SLIT3: variants seen among roughly 807,000 people sequenced by gnomAD.
SLIT3 encodes the protein slit guidance ligand 3, also known as slit homolog 3 protein.
A neutral mutation model predicts 184.0 loss-of-function variants in SLIT3; 68 were observed. The observed-to-expected ratio is 0.37, with a 90% CI of 0.30 to 0.45. The LOEUF is 0.45. SLIT3 is among the 20% of genes least tolerant of loss of function. The pLI is 1.00. For synonymous variants in SLIT3, 831 were observed against 828.6 expected, an observed-to-expected ratio of 1.00 and a Z score of -0.05; for missense variants, 1,707 against 2,026.0, an observed-to-expected ratio of 0.84 and a Z score of 3.02.
intron 4 of SLIT3, among the ~76,000 whole-genome samples, chr5:169,089,750 T>C (rs1449290827): frequency 6.6e-6 from 1 of 152,208 alleles, no homozygotes; most frequent in East Asian, 1.9e-4. Flanking sequence ...TCTACAACTA[T>C]TGCATTTCCC....
chr5:169,184,999 G>T (rs4867734), intron 4 of SLIT3, among the ~76,000 whole-genome samples: 1 of 151,950 alleles, frequency 6.6e-6, no homozygotes, highest in Non-Finnish European at 1.5e-5. Context: ...TGGCAAGTCC[G>T]CAGGCTTCTA....
chr5:168,955,970 T>C (rs1762812375), intron 4 of SLIT3, among the ~76,000 whole-genome samples: 1 of 152,158 alleles, frequency 6.6e-6, no homozygotes, highest in East Asian at 1.9e-4. Context: ...CCAACAAGCA[T>C]CTGGGCTGTG....
chr5:168,875,389 T>C (rs1292976533), intron 5 of SLIT3, among the ~76,000 whole-genome samples: 3 of 151,838 alleles, frequency 2.0e-5, no homozygotes, highest in Non-Finnish European at 2.9e-5. Context: ...CCCAGCACTT[T>C]GGGAGGCTAA....
intron 1 of SLIT3, among the ~76,000 whole-genome samples, chr5:169,272,071 T>G (rs115215826): frequency 0.015 from 2,245 of 152,352 alleles, 51 homozygotes; most frequent in African/African-American, 0.049. Context: ...GGGCAGTGCC[T>G]GAGCTATAGG....
chr5:168,961,043 G>A (rs969969616), intron 4 of SLIT3, among the ~76,000 whole-genome samples: 1 of 152,134 alleles, frequency 6.6e-6, no homozygotes, highest in Admixed American at 6.5e-5. Flanking sequence ...TGTGTAATGA[G>A]GAGTCCATGG....
At chr5:168,814,397 GCAAACAAACAAACAAA>G (rs34174262) in intron 8 of SLIT3, among the ~76,000 whole-genome samples, 20,150 of 150,730 alleles carry the variant, frequency 0.13, 1,755 homozygotes, top group South Asian at 0.3. Flanking sequence ...ACTGTCTCAA[GCAAACAAACAAACAAA>G]CAAACAAACA....
intron 20 of SLIT3, among the ~76,000 whole-genome samples, chr5:168,746,450 C>T (rs1244044781): frequency 7.5e-4 from 31 of 41,556 alleles, no homozygotes; most frequent in Middle Eastern, 0.017. Context: ...GTGGGTGTGG[C>T]AGTGTGTGGT....
At chr5:169,140,202 C>T (rs960359584) in intron 4 of SLIT3, among the ~76,000 whole-genome samples, 6 of 151,128 alleles carry the variant, frequency 4.0e-5, no homozygotes, top group Non-Finnish European at 7.4e-5. Flanking sequence ...CGGTGGCTCA[C>T]GCCTGTAATC....
chr5:168,669,455 G>T (rs1307253383), intron 35 of SLIT3, among the ~76,000 whole-genome samples: 1 of 152,204 alleles, frequency 6.6e-6, no homozygotes, highest in African/African-American at 2.4e-5. Flanking sequence ...TGCAGCCATG[G>T]CTGTGTAGAA....
At position 168,982,665 on chromosome 5, in the gene SLIT3, G is replaced by A. The variant is rs538298459; in HGVS notation, c.414-99329C>T. Among the ~76,000 whole-genome samples, 11 of 152,296 alleles carry A rather than the reference G, an allele frequency of 7.2e-5. No individual in the cohort carries two copies. In the South Asian group the frequency reaches 2.1e-3, roughly 29 times the overall value. On this transcript the variant is annotated intron_variant, in intron 4 of 35. Coordinates refer to ENST00000519560, the MANE Select transcript of SLIT3 (RefSeq NM_003062.4). ...CCACACATAATTGGAGAAGCACTAA[G>A]TAGGTTTGGGCCTGTGACTCATGGG...
chr5:168,670,735 A>G (rs1487088403), intron 34 of SLIT3, among the ~76,000 whole-genome samples: 1 of 152,094 alleles, frequency 6.6e-6, no homozygotes, highest in African/African-American at 2.4e-5. Context: ...CTTAACACTG[A>G]CAGTACTGGA....
chr5:169,133,895 T>G (rs1458195108), intron 4 of SLIT3, among the ~76,000 whole-genome samples: 1 of 152,234 alleles, frequency 6.6e-6, no homozygotes, highest in Admixed American at 6.5e-5. Context: ...CATGGCATAA[T>G]TACTGTTCCG....
In SLIT3 at chr5:169,088,397, A is replaced by ATT. The variant is rs35908644; in HGVS notation, c.413+105080_413+105081dup. 4.2e-3 allele frequency among the ~76,000 whole-genome samples: 571 copies of ATT among 135,980 alleles called. 2 individuals are homozygous for ATT. The highest frequency in any genetic ancestry group is 0.015 in the African/African-American group (545 of 37,092). The allele number at this position is 135,980 out of a possible 152,430, so 89.2% of individuals were successfully genotyped here. ...CCCCTGTCAAAGTTCTTTTTCTTCG[A>ATT]TTTTTTTTTTTTTTTTTGCCACAAC... On this transcript the variant is annotated intron_variant, in intron 4 of 35. Coordinates refer to ENST00000519560, the MANE Select transcript of SLIT3 (RefSeq NM_003062.4).
At chr5:168,784,877 ACACACACACACG>A (rs1003772011) in intron 12 of SLIT3, among the ~76,000 whole-genome samples, 4 of 152,026 alleles carry the variant, frequency 2.6e-5, no homozygotes, top group African/African-American at 9.7e-5. Context: ...AGACACACAC[ACACACACACACG>A]CACACACACA....
At chr5:168,673,128 G>A (rs766660703) in intron 33 of SLIT3, 49 bp downstream of exon 33, 2 of 1,592,418 alleles carry the variant, frequency 1.3e-6, no homozygotes, top group East Asian at 2.2e-5. Context: ...CTGTACTGGA[G>A]CACAGAGGGC....
intron 4 of SLIT3, among the ~76,000 whole-genome samples, chr5:169,179,311 G>A (rs1425755088): frequency 3.1e-5 from 4 of 130,340 alleles, no homozygotes; most frequent in Admixed American, 8.1e-5. Flanking sequence ...CCAAGGCTTG[G>A]TTTTTGTTTG....
intron 4 of SLIT3, among the ~76,000 whole-genome samples, chr5:169,100,857 A>G (rs1179774714): frequency 6.6e-6 from 1 of 152,206 alleles, no homozygotes; most frequent in Non-Finnish European, 1.5e-5. Context: ...GCAGATGACA[A>G]GCTGATGCAG....
At chr5:168,718,724 ACACACAT>A (rs1762836346) in intron 23 of SLIT3, among the ~76,000 whole-genome samples, 2 of 138,498 alleles carry the variant, frequency 1.4e-5, no homozygotes, top group Non-Finnish European at 3.1e-5. Context: ...ACACACACAC[ACACACAT>A]TCTCTCTCTC....
At chr5:168,736,408 C>A (rs534986151) in intron 20 of SLIT3, among the ~76,000 whole-genome samples, 1 of 152,210 alleles carries the variant, frequency 6.6e-6, no homozygotes, top group African/African-American at 2.4e-5. Context: ...TGATCAACCC[C>A]TCCAGCTGGC....
Sources: allele counts gnomAD v4.1 joint callset (sites outside exome capture counted in the v4.1 genomes callset), GRCh38; gene constraint gnomAD v4.1.1; transcripts MANE v1.5; gene names NCBI Gene and HGNC (gene_info 2026-07-23, HGNC 2026-07-21).